The following SLC8A3 variants were observed in gnomAD, a reference collection of about 807,000 sequenced individuals.
SLC8A3 encodes sodium/calcium exchanger 3.
In SLC8A3, 37 loss-of-function variants were observed where a neutral mutation model predicts 65.4. The ratio of observed to expected loss-of-function variants is 0.57; its 90% CI spans 0.44 to 0.74. SLC8A3 has a LOEUF of 0.74. Ranked by LOEUF, SLC8A3 falls within the 30% of genes least tolerant of loss-of-function variation. The pLI is 0.00. For synonymous variants in SLC8A3, 461 were observed against 444.5 expected (o/e 1.04, Z -0.47); for missense variants, 1,112 against 1,172.1 (o/e 0.95, Z 0.75).
chr14:70,159,901 C>T (rs1473413730), intron 2 of SLC8A3, among the ~76,000 whole-genome samples: 2 of 152,170 alleles, frequency 1.3e-5, no homozygotes, highest in Admixed American at 6.5e-5. Flanking sequence ...ACATTCTCCC[C>T]GATGTGCTCT....
chr14:70,116,853 T>A (rs1893701879), intron 2 of SLC8A3, among the ~76,000 whole-genome samples: 1 of 152,212 alleles, frequency 6.6e-6, no homozygotes, highest in Admixed American at 6.5e-5. Flanking sequence ...TTTTTAGCAA[T>A]GGTACTGCTA....
At chr14:70,060,029 C>T (rs1888604327) in intron 3 of SLC8A3, among the ~76,000 whole-genome samples, 1 of 152,106 alleles carries the variant, frequency 6.6e-6, no homozygotes, top group Admixed American at 6.6e-5. Flanking sequence ...GGGTGGGATG[C>T]CCAGAGGAGG....
rs1226753420 is a variant in SLC8A3 at position 70,090,512 on chromosome 14, A to C, written c.1785-29573T>G. Among the ~76,000 whole-genome samples, 3 of 152,218 alleles carry C rather than the reference A, an allele frequency of 2.0e-5. No individual in the cohort carries two copies. The East Asian group carries it at 5.8e-4, about 29-fold the overall frequency. On this transcript the variant is annotated intron_variant, in intron 2 of 6. Coordinates refer to ENST00000356921, the MANE Select transcript of SLC8A3 (RefSeq NM_182932.3). Reference sequence around the variant, plus strand: ...TTCCTAATCGTGGTATACAGGTTTGATTTAGTAAAGTCACAATTATCTTTC... The same window carrying C: ...TTCCTAATCGTGGTATACAGGTTTGCTTTAGTAAAGTCACAATTATCTTTC...
At chr14:70,172,655 G>A (rs1374455318) in intron 1 of SLC8A3, among the ~76,000 whole-genome samples, 1 of 150,680 alleles carries the variant, frequency 6.6e-6, no homozygotes, top group Non-Finnish European at 1.5e-5. Flanking sequence ...GCTAGACCTG[G>A]TATTAGACGC....
At chr14:70,088,954 C>T (rs562010441) in intron 2 of SLC8A3, among the ~76,000 whole-genome samples, 13 of 152,258 alleles carry the variant, frequency 8.5e-5, no homozygotes, top group African/African-American at 3.1e-4. Context: ...GCCACCATCA[C>T]CTCTGGCCTG....
At chr14:70,103,667 C>T (rs991038301) in intron 2 of SLC8A3, among the ~76,000 whole-genome samples, 1 of 151,284 alleles carries the variant, frequency 6.6e-6, no homozygotes, top group Non-Finnish European at 1.5e-5. Context: ...AGCTATAAAG[C>T]CAATTGAGGA....
At chr14:70,177,372 G>A (rs1897973999) in intron 1 of SLC8A3, among the ~76,000 whole-genome samples, 1 of 152,174 alleles carries the variant, frequency 6.6e-6, no homozygotes, top group Admixed American at 6.5e-5. Context: ...CTCTAGAGAA[G>A]CACACACTTC....
chr14:70,048,400 T>G, intron 6 of SLC8A3: 1 of 565,162 alleles, frequency 1.8e-6, no homozygotes, highest in Non-Finnish European at 3.1e-6. Context: ...AATGTGGAGG[T>G]TAAGAAATTG....
chr14:70,141,419 T>C (rs1895566770), intron 2 of SLC8A3, among the ~76,000 whole-genome samples: 1 of 152,198 alleles, frequency 6.6e-6, no homozygotes, highest in Non-Finnish European at 1.5e-5. Flanking sequence ...TTCACATGCT[T>C]GAAATTTGCA....
chr14:70,179,418 C>G (rs1485330636), intron 1 of SLC8A3, among the ~76,000 whole-genome samples: 1 of 152,176 alleles, frequency 6.6e-6, no homozygotes, highest in East Asian at 1.9e-4. Context: ...CTAGTGCTGG[C>G]AGAGGGAGTA....
intron 1 of SLC8A3, among the ~76,000 whole-genome samples, chr14:70,181,443 A>G (rs1882740551): frequency 6.7e-6 from 1 of 148,544 alleles, no homozygotes; most frequent in Non-Finnish European, 1.5e-5. Context: ...CACTTGCTCC[A>G]GGAGGGATGG....
intron 2 of SLC8A3, among the ~76,000 whole-genome samples, chr14:70,117,336 C>A (rs1307133061): frequency 6.6e-6 from 1 of 152,220 alleles, no homozygotes; most frequent in Non-Finnish European, 1.5e-5. Flanking sequence ...GTGCTTAGAG[C>A]TCCTCATGGC....
chr14:70,141,354 G>A (rs1282923121), intron 2 of SLC8A3, among the ~76,000 whole-genome samples: 1 of 152,240 alleles, frequency 6.6e-6, no homozygotes, highest in Non-Finnish European at 1.5e-5. Flanking sequence ...AGGAAGCAAA[G>A]AGACATTAAA....
At chr14:70,138,075 G>A (rs992212240) in intron 2 of SLC8A3, among the ~76,000 whole-genome samples, 14 of 152,144 alleles carry the variant, frequency 9.2e-5, no homozygotes, top group South Asian at 2.1e-4. Context: ...GGAGAAAGGA[G>A]GTAGCAGAGA....
At chr14:70,091,227 G>A (rs932646954) in intron 2 of SLC8A3, among the ~76,000 whole-genome samples, 4 of 152,090 alleles carry the variant, frequency 2.6e-5, no homozygotes, top group African/African-American at 9.7e-5. Context: ...ATTTTATTAT[G>A]GGATTTAATT....
chr14:70,151,218 C>T (rs1896250337), intron 2 of SLC8A3, among the ~76,000 whole-genome samples: 1 of 150,400 alleles, frequency 6.6e-6, no homozygotes, highest in Non-Finnish European at 1.5e-5. Flanking sequence ...CGTGCCACTG[C>T]ACTCCAGCCC....
chr14:70,132,865 G>A (rs1458774250), intron 2 of SLC8A3, among the ~76,000 whole-genome samples: 1 of 152,140 alleles, frequency 6.6e-6, no homozygotes, highest in Non-Finnish European at 1.5e-5. Flanking sequence ...CATGACAGAA[G>A]GAGATCTTCA....
At chr14:70,155,523 C>G (rs752305598) in intron 2 of SLC8A3, among the ~76,000 whole-genome samples, 1 of 152,146 alleles carries the variant, frequency 6.6e-6, no homozygotes, top group Non-Finnish European at 1.5e-5. Flanking sequence ...TCTGTGTTCG[C>G]GGGTAAATTA....
At chr14:70,061,305 C>T (rs1295271294) in intron 2 of SLC8A3, among the ~76,000 whole-genome samples, 1 of 152,140 alleles carries the variant, frequency 6.6e-6, no homozygotes, top group East Asian at 1.9e-4. Context: ...AGTCAGGCAG[C>T]ACATTCCACT....
Sources: gnomAD v4.1 joint callset for allele counts (sites outside exome capture counted in the v4.1 genomes callset) on GRCh38, gnomAD v4.1.1 for gene constraint, MANE v1.5 for transcripts, NCBI Gene and HGNC (gene_info 2026-07-23, HGNC 2026-07-21) for gene names.